SVEP1: variants seen among roughly 807,000 people sequenced by gnomAD.
The protein encoded by SVEP1 is sushi, von Willebrand factor type A, EGF and pentraxin domain-containing protein 1.
In SVEP1, 164 loss-of-function variants were observed where a neutral mutation model predicts 367.3. That is an observed-to-expected ratio of 0.45 (90% confidence interval 0.39 to 0.51). The LOEUF (loss-of-function observed/expected upper bound fraction) is 0.51, where lower values mean the gene tolerates loss of function less well. Ranked by LOEUF, SVEP1 falls within the 20% of genes least tolerant of loss-of-function variation. The pLI is 0.00. For missense variants in SVEP1, 4,117 were observed against 4,425.3 expected, an observed-to-expected ratio of 0.93 and a Z score of 1.98; for synonymous variants, 1,666 against 1,611.6, an observed-to-expected ratio of 1.03 and a Z score of -0.81.
rs200080908 is a variant in SVEP1, at chr9:110,411,695, C to T, written c.6016G>A (p.Asp2006Asn). 2.7e-5 allele frequency: 43 copies of T among 1,594,550 alleles called. No individual in the cohort carries two copies. In the African/African-American group the frequency reaches 2.8e-4, roughly 10 times the overall value. The change falls in exon 37 of 48, where the codon GAC (aspartate) becomes AAC (asparagine). Residue 2006 changes from aspartate (D) to asparagine (N), a missense_variant. This residue lies in a region of SVEP1 where 2,174 missense variants were observed against 2,494.3 expected (regional missense o/e 0.87). Transcript: ENST00000374469. ...TGGTCACTTCTACTCCACTTGCCGTCGGCCAGGCATTCAATGGTGTCAAGA... is the reference window on the plus strand; with the variant it reads ...TGGTCACTTCTACTCCACTTGCCGTTGGCCAGGCATTCAATGGTGTCAAGA... Reference protein sequence around the residue: ...AGLDTIECLADGKWSRSDQQC... With the variant: ...AGLDTIECLANGKWSRSDQQC...
intron 3 of SVEP1, among the ~76,000 whole-genome samples, chr9:110,521,452 CAGG>C (rs1032236862): frequency 2.0e-4 from 31 of 152,226 alleles, no homozygotes; most frequent in African/African-American, 5.3e-4. Context: ...TCAGACTTGC[CAGG>C]AGATTAGTGA....
At chr9:110,458,602 T>C in intron 19 of SVEP1, 40 bp from the exon 20 acceptor site, 1 of 1,545,510 alleles carries the variant, frequency 6.5e-7, no homozygotes, top group Non-Finnish European at 8.8e-7. Context: ...GTGGCAAATA[T>C]GCCAGTAAGT....
Position 110,446,890 on chromosome 9 carries a change from T to A in SVEP1, c.4261+10A>T, listed in dbSNP as rs887682584. 2 of 1,511,846 alleles carry A rather than the reference T, an allele frequency of 1.3e-6. No individual in the cohort carries two copies. Among genetic ancestry groups the A allele is most frequent in the African/African-American group, 2.8e-5 (2 of 71,808 alleles). The allele number at this position is 1,511,846 out of a possible 1,614,324, so 93.7% of individuals were successfully genotyped here. ...AGTATTGTTATTAATAACACTGAGT[T>A]GATACATACCTGTTTCACACCTTTT... is the stretch of plus-strand genomic sequence containing the variant. On this transcript the variant is annotated intron_variant, in intron 25 of 47. Coordinates refer to ENST00000374469, the MANE Select transcript of SVEP1 (RefSeq NM_153366.4).
intron 3 of SVEP1, among the ~76,000 whole-genome samples, chr9:110,514,507 C>G (rs1180057549): frequency 8.0e-6 from 1 of 124,298 alleles, no homozygotes. Flanking sequence ...GAGCAAAACT[C>G]CATCTCAAAA....
chr9:110,464,827 A>C (rs7853341), intron 18 of SVEP1, among the ~76,000 whole-genome samples: 3,761 of 152,324 alleles, frequency 0.025, 67 homozygotes, highest in Non-Finnish European at 0.039. Flanking sequence ...GTAGGCCAAC[A>C]ACAACCTTTT....
In SVEP1 at chr9:110,579,665, C is replaced by T; in HGVS notation, c.-122G>A. 1.7e-6 allele frequency: 2 copies of T among 1,198,196 alleles called. No individual in the cohort carries two copies. Among genetic ancestry groups the T allele is most frequent in the East Asian group, 3.0e-5 (1 of 33,442 alleles). The allele number at this position is 1,198,196 out of a possible 1,614,324, so 74.2% of individuals were successfully genotyped here. Reference sequence around the variant, plus strand: ...CTGGGCGCGGGGCAGCGGCCAAGAGCCTCAGCGCCCTTTCATCTGACACTG... The same window carrying T: ...CTGGGCGCGGGGCAGCGGCCAAGAGTCTCAGCGCCCTTTCATCTGACACTG... On this transcript the variant is annotated 5_prime_UTR_variant, in exon 1 of 48. Coordinates refer to ENST00000374469, the MANE Select transcript of SVEP1 (RefSeq NM_153366.4). The surrounding 1 kb of genome is among the most constrained non-coding windows in gnomAD (Gnocchi z 5.3).
chr9:110,565,131 A>T (rs557154991), intron 1 of SVEP1, among the ~76,000 whole-genome samples: 1 of 152,178 alleles, frequency 6.6e-6, no homozygotes. Flanking sequence ...AAAATAGTCA[A>T]AAGGAATTGG....
chr9:110,493,687 A>G (rs1221024585), intron 8 of SVEP1, among the ~76,000 whole-genome samples: 13 of 152,136 alleles, frequency 8.5e-5, no homozygotes, highest in Admixed American at 8.5e-4. Context: ...AGCCGAGATC[A>G]TGCCACTGCA....
intron 33 of SVEP1, 98 bp from the exon 34 acceptor site, chr9:110,430,102 G>GT: frequency 2.6e-6 from 3 of 1,163,150 alleles, no homozygotes; most frequent in Non-Finnish European, 2.3e-6. Flanking sequence ...TTGTTTGTTT[G>GT]TTTTCTTTTT....
intron 3 of SVEP1, among the ~76,000 whole-genome samples, chr9:110,524,618 T>C (rs1829918658): frequency 6.6e-6 from 1 of 152,052 alleles, no homozygotes; most frequent in Non-Finnish European, 1.5e-5. Context: ...TTGTCACCAA[T>C]TTATGATGAA....
chr9:110,409,855 A>C (rs1243292516), intron 37 of SVEP1, among the ~76,000 whole-genome samples: 1 of 127,660 alleles, frequency 7.8e-6, no homozygotes, highest in African/African-American at 2.9e-5. Flanking sequence ...ATAAACAAAT[A>C]AACAAAATTA....
intron 1 of SVEP1, among the ~76,000 whole-genome samples, chr9:110,578,626 A>G (rs1830653745): frequency 6.6e-6 from 1 of 152,208 alleles, no homozygotes; most frequent in South Asian, 2.1e-4. Flanking sequence ...AACTTTAAAA[A>G]GAATTGGGGT....
intron 36 of SVEP1, among the ~76,000 whole-genome samples, chr9:110,413,397 G>T (rs1028221309): frequency 1.6e-5 from 2 of 126,136 alleles, no homozygotes; most frequent in Middle Eastern, 4.3e-3. Flanking sequence ...GTTGTGGGGT[G>T]GGGGGAGGGG....
At chr9:110,436,040 TC>T (rs112118394) in intron 28 of SVEP1, among the ~76,000 whole-genome samples, 24,812 of 152,034 alleles carry the variant, frequency 0.16, 2,216 homozygotes, top group South Asian at 0.23. Context: ...AATTTCTGCA[TC>T]TTCAGTCAGA....
chr9:110,491,061 T>G (rs1829358745), intron 8 of SVEP1, among the ~76,000 whole-genome samples: 1 of 152,128 alleles, frequency 6.6e-6, no homozygotes, highest in Admixed American at 6.5e-5. Flanking sequence ...CTGTGTGGTA[T>G]GATTTGAGAG....
chr9:110,516,050 T>G (rs941893551), intron 3 of SVEP1, among the ~76,000 whole-genome samples: 1 of 148,928 alleles, frequency 6.7e-6, no homozygotes, highest in South Asian at 2.1e-4. Context: ...CTACACGTGC[T>G]GTGAGTCAAA....
chr9:110,459,150 G>GTT, intron 18 of SVEP1, 37 bp from the exon 19 acceptor site: 1 of 1,589,464 alleles, frequency 6.3e-7, no homozygotes, highest in East Asian at 2.2e-5. Flanking sequence ...TGCATATAAA[G>GTT]TAACACACCC....
intron 8 of SVEP1, among the ~76,000 whole-genome samples, chr9:110,490,237 T>C (rs1042961715): frequency 1.3e-5 from 2 of 152,184 alleles, no homozygotes; most frequent in Non-Finnish European, 2.9e-5. Context: ...TCAAGGTACA[T>C]GTAATAATTT....
At chr9:110,577,295 G>C (rs778782702) in intron 1 of SVEP1, among the ~76,000 whole-genome samples, 7 of 152,106 alleles carry the variant, frequency 4.6e-5, no homozygotes, top group Non-Finnish European at 8.8e-5. Flanking sequence ...AAATGAGATA[G>C]AGAATGGGAT....
Sources: allele counts gnomAD v4.1 joint callset (sites outside exome capture counted in the v4.1 genomes callset), GRCh38; gene constraint gnomAD v4.1.1; regional missense constraint gnomAD v4.1.1; non-coding constraint Gnocchi (gnomAD v3.1); transcripts MANE v1.5; gene names NCBI Gene and HGNC (gene_info 2026-07-23, HGNC 2026-07-21).